The following THSD4 variants were observed in gnomAD, a reference collection of about 807,000 sequenced individuals.
The protein encoded by THSD4 is thrombospondin type 1 domain containing 4.
In THSD4, 69 loss-of-function variants were observed where a neutral mutation model predicts 119.0. The observed-to-expected ratio is 0.58, with a 90% CI of 0.48 to 0.71. The LOEUF is 0.71. THSD4 is among the 30% of genes least tolerant of loss of function. The pLI is 0.00. For missense variants in THSD4, 1,393 were observed against 1,391.1 expected, an observed-to-expected ratio of 1.00 and a Z score of -0.02; for synonymous variants, 524 against 540.4, an observed-to-expected ratio of 0.97 and a Z score of 0.42.
rs775840027 is a variant in THSD4, at chr15:71,621,775, T to C, written c.1153-38755T>C. Among the ~76,000 whole-genome samples, 2 of 152,204 alleles carry C rather than the reference T, an allele frequency of 1.3e-5. 1 individual carries two copies. On this transcript the variant is annotated intron_variant, in intron 7 of 17. Coordinates refer to ENST00000261862, the MANE Select transcript of THSD4 (RefSeq NM_024817.3). ...AGTGCCATATAACAAAAATATTCACTTGTGCTCTAGATAAATGGAACTTCC... is the reference window on the plus strand; with the variant it reads ...AGTGCCATATAACAAAAATATTCACCTGTGCTCTAGATAAATGGAACTTCC...
chr15:71,120,293 G>C (rs1407140199), intron 1 of THSD4, among the ~76,000 whole-genome samples: 1 of 152,122 alleles, frequency 6.6e-6, no homozygotes, highest in African/African-American at 2.4e-5. Context: ...AGAGGCAGCA[G>C]TTTTGTGTAT....
rs142964315 is a variant in THSD4, at chr15:71,584,065, G to C, written c.1153-76465G>C. 4.8e-3 allele frequency among the ~76,000 whole-genome samples: 730 copies of C among 151,792 alleles called. 5 individuals carry two copies. Among genetic ancestry groups the C allele is most frequent in the African/African-American group, 0.017 (687 of 41,386 alleles). The stretch of plus-strand genomic sequence containing the variant: ...TTTACCTTCAGTTCTGTCAATATTG[G>C]GTGCTCCAATGTTGGGTGTGTATGT... On this transcript the variant is annotated intron_variant, in intron 7 of 17. Transcript: ENST00000261862.
In THSD4 at chr15:71,233,075, C is replaced by T. The variant is rs139635605; in HGVS notation, c.465-9574C>T. Among the ~76,000 whole-genome samples the T allele has an allele frequency of 5.0e-3, 761 of 152,274 alleles. 9 individuals are homozygous for T. The highest frequency in any genetic ancestry group is 0.017 in the African/African-American group (711 of 41,566). ...TTCAGACTCTAAGAAGCTTCCGCCTCGGTATGAGCTTGATGCTGGTCTGTG... is the reference window on the plus strand; with the variant it reads ...TTCAGACTCTAAGAAGCTTCCGCCTTGGTATGAGCTTGATGCTGGTCTGTG... On this transcript the variant is annotated intron_variant, in intron 4 of 17. Coordinates refer to ENST00000261862, the MANE Select transcript of THSD4 (RefSeq NM_024817.3).
intron 16 of THSD4, among the ~76,000 whole-genome samples, chr15:71,765,539 A>G (rs2053700988): frequency 6.6e-6 from 1 of 152,154 alleles, no homozygotes; most frequent in African/African-American, 2.4e-5. Flanking sequence ...TGTTGGATGG[A>G]GTTGTCTTTG....
rs181957682 is a variant in THSD4, at chr15:71,212,564, G to C, written c.100-2471G>C. On this transcript the variant is annotated intron_variant, in intron 3 of 17. Transcript: ENST00000261862. ...CCAAATGTGCCAGAAACATATTTCT[G>C]CCTTTGTTCGTTTATCCCAATGATC... is the stretch of plus-strand genomic sequence containing the variant. Among the ~76,000 whole-genome samples the C allele has an allele frequency of 2.3e-3, 352 of 152,316 alleles. 1 individual carries two copies. Among genetic ancestry groups the C allele is most frequent in the Non-Finnish European group, 4.1e-3 (281 of 68,030 alleles).
intron 4 of THSD4, among the ~76,000 whole-genome samples, chr15:71,226,394 A>G (rs1043465079): frequency 3.9e-5 from 6 of 152,190 alleles, no homozygotes; most frequent in Admixed American, 6.5e-5. Flanking sequence ...ATGTGCACAC[A>G]TGGATGTATG....
At chr15:71,648,800 G>A (rs562619663) in intron 7 of THSD4, among the ~76,000 whole-genome samples, 3 of 152,288 alleles carry the variant, frequency 2.0e-5, no homozygotes, top group Admixed American at 6.5e-5. Flanking sequence ...CAAGGGACGC[G>A]TCTCGAGGAG....
intron 7 of THSD4, among the ~76,000 whole-genome samples, chr15:71,587,787 T>TAAAAAAAAAAA (rs1207231444): frequency 1.9e-5 from 2 of 105,554 alleles, no homozygotes; most frequent in African/African-American, 7.2e-5. Context: ...AAAAAAAAAT[T>TAAAAAAAAAAA]AAAAAAAAAA....
At chr15:71,723,610 C>G (rs1428991387) in intron 8 of THSD4, among the ~76,000 whole-genome samples, 2 of 152,174 alleles carry the variant, frequency 1.3e-5, no homozygotes, top group African/African-American at 4.8e-5. Context: ...TACTAGGAGA[C>G]AAACATTGAT....
At chr15:71,536,574 C>T (rs2048691412) in intron 7 of THSD4, among the ~76,000 whole-genome samples, 1 of 152,026 alleles carries the variant, frequency 6.6e-6, no homozygotes, top group African/African-American at 2.4e-5. Context: ...CTACCATGAT[C>T]TATGATTTAT....
intron 7 of THSD4, among the ~76,000 whole-genome samples, chr15:71,445,843 C>T (rs1482968480): frequency 6.6e-6 from 1 of 152,136 alleles, no homozygotes; most frequent in African/African-American, 2.4e-5. Flanking sequence ...ATATGAAATC[C>T]TTACGATGTG....
chr15:71,308,262 CG>C (rs1393505660), intron 6 of THSD4, among the ~76,000 whole-genome samples: 4 of 152,192 alleles, frequency 2.6e-5, no homozygotes, highest in Non-Finnish European at 5.9e-5. Context: ...GTTTGAGCAT[CG>C]CAGGCCTGCT....
chr15:71,104,356 G>A (rs982978228), intron 1 of THSD4, among the ~76,000 whole-genome samples: 2 of 152,132 alleles, frequency 1.3e-5, no homozygotes, highest in African/African-American at 4.8e-5. Flanking sequence ...AAATGTGTGG[G>A]GCTTTTTCTC....
chr15:71,199,542 T>TGCTGTGTGTGATGC (rs2043754665), intron 3 of THSD4, among the ~76,000 whole-genome samples: 7 of 128,688 alleles, frequency 5.4e-5, no homozygotes, highest in African/African-American at 2.4e-4. Flanking sequence ...GTGGTGTGTG[T>TGCTGTGTGTGATGC]ATGTGTGGTG....
intron 8 of THSD4, among the ~76,000 whole-genome samples, chr15:71,688,360 G>A (rs945600253): frequency 2.0e-5 from 3 of 152,172 alleles, no homozygotes; most frequent in Non-Finnish European, 2.9e-5. Context: ...CTAAACATGA[G>A]TGCATTTACA....
At chr15:71,392,680 C>T (rs191769701) in intron 6 of THSD4, among the ~76,000 whole-genome samples, 154 of 152,332 alleles carry the variant, frequency 1.0e-3, no homozygotes, top group African/African-American at 3.3e-3. Flanking sequence ...GCAGCTAGTT[C>T]TGCAGAGCAT....
chr15:71,250,820 G>A (rs1333143358), intron 5 of THSD4, among the ~76,000 whole-genome samples: 3 of 152,034 alleles, frequency 2.0e-5, no homozygotes, highest in Non-Finnish European at 4.4e-5. Context: ...GTGAAAGGCT[G>A]GGCTTAGTGT....
intron 6 of THSD4, among the ~76,000 whole-genome samples, chr15:71,338,292 TCTTTC>T (rs2045513897): frequency 1.6e-5 from 2 of 128,658 alleles, no homozygotes; most frequent in African/African-American, 5.7e-5. Context: ...ACTCTGAGCT[TCTTTC>T]CGAACACTCA....
At chr15:71,137,120 AACT>A (rs1282586338) in intron 1 of THSD4, among the ~76,000 whole-genome samples, 4 of 152,268 alleles carry the variant, frequency 2.6e-5, no homozygotes, top group Non-Finnish European at 5.9e-5. Context: ...TTCTAACAGA[AACT>A]AGATTGTTAG....
Sources: allele counts gnomAD v4.1 joint callset (sites outside exome capture counted in the v4.1 genomes callset), GRCh38; gene constraint gnomAD v4.1.1; transcripts MANE v1.5; gene names NCBI Gene and HGNC (gene_info 2026-07-23, HGNC 2026-07-21).